The following CATSPERT variants were observed in gnomAD, a reference collection of about 807,000 sequenced individuals.
The protein encoded by CATSPERT is cation channel sperm-associated targeting subunit tau.
At chr2:201,558,959 C>T in the CATSPERT span, among the ~76,000 whole-genome samples, 1 of 152,160 alleles carries the variant, frequency 6.6e-6, no homozygotes, top group Non-Finnish European at 1.5e-5. Flanking sequence ...CCAACCCCAG[C>T]CACCATACTT....
chr2:201,556,513 G>GAA, the CATSPERT span, among the ~76,000 whole-genome samples: 66,858 of 133,780 alleles, frequency 0.5, 15,988 homozygotes, highest in East Asian at 0.76. Context: ...ACTTCAAAAA[G>GAA]AAAAAAAAAA....
At chr2:201,489,441 C>T in the CATSPERT span, among the ~76,000 whole-genome samples, 12 of 151,928 alleles carry the variant, frequency 7.9e-5, no homozygotes, top group South Asian at 2.1e-4. Context: ...ACTAAGTTTC[C>T]GAATTTAGAT....
the CATSPERT span, chr2:201,603,413 T>G: frequency 6.6e-5 from 43 of 652,382 alleles, no homozygotes; most frequent in African/African-American, 7.5e-4. Context: ...TTGTTTCTCA[T>G]GAAAAATATC....
chr2:201,487,496 A>C, the CATSPERT span: 1 of 1,003,552 alleles, frequency 1.0e-6, no homozygotes, highest in Non-Finnish European at 1.4e-6. Flanking sequence ...TCTGTCACAC[A>C]AAAGAAGAGA....
chr2:201,516,211 A>G, the CATSPERT span, among the ~76,000 whole-genome samples: 1 of 152,150 alleles, frequency 6.6e-6, no homozygotes, highest in Non-Finnish European at 1.5e-5. Context: ...GTAAAATATG[A>G]TATTATGGTC....
At chr2:201,582,124 C>T in the CATSPERT span, 1 of 1,607,342 alleles carries the variant, frequency 6.2e-7, no homozygotes, top group Non-Finnish European at 8.5e-7. Context: ...TGTATCTGAA[C>T]ACTCCCTAAC....
chr2:201,539,163 T>G, the CATSPERT span, among the ~76,000 whole-genome samples: 1 of 152,146 alleles, frequency 6.6e-6, no homozygotes, highest in Non-Finnish European at 1.5e-5. Context: ...ATGATTTATA[T>G]TCCTTTGGGT....
At chr2:201,619,000 T>G in the CATSPERT span, 1 of 1,613,938 alleles carries the variant, frequency 6.2e-7, no homozygotes, top group Admixed American at 1.7e-5. Context: ...CTCCGACCCT[T>G]TAATGTGCAT....
chr2:201,543,533 T>G, the CATSPERT span, among the ~76,000 whole-genome samples: 1 of 152,322 alleles, frequency 6.6e-6, no homozygotes, highest in Middle Eastern at 3.4e-3. Context: ...ATTATCAATG[T>G]TTTTTAGTTT....
At chr2:201,587,123 A>G in the CATSPERT span, among the ~76,000 whole-genome samples, 5 of 152,246 alleles carry the variant, frequency 3.3e-5, no homozygotes, top group South Asian at 1.0e-3. Context: ...GCATAATTCT[A>G]TTTACACCTC....
At chr2:201,599,411 A>T in the CATSPERT span, among the ~76,000 whole-genome samples, 11 of 152,206 alleles carry the variant, frequency 7.2e-5, no homozygotes, top group South Asian at 8.3e-4. Flanking sequence ...GTGGAAGAAA[A>T]ATATTATCTC....
At chr2:201,560,785 C>CT in the CATSPERT span, among the ~76,000 whole-genome samples, 7,930 of 151,268 alleles carry the variant, frequency 0.052, 252 homozygotes, top group African/African-American at 0.074. Flanking sequence ...TGTGAAATCT[C>CT]TCTTTTTTTT....
At chr2:201,612,505 C>T in the CATSPERT span, among the ~76,000 whole-genome samples, 25 of 141,244 alleles carry the variant, frequency 1.8e-4, no homozygotes, top group South Asian at 2.4e-4. Context: ...ACCCGGGAGG[C>T]GGAGGTTGCT....
chr2:201,491,900 C>A, the CATSPERT span: 15 of 1,536,696 alleles, frequency 9.8e-6, no homozygotes, highest in Non-Finnish European at 1.3e-5. Flanking sequence ...AATACATGTT[C>A]TTTCCTTAGT....
At chr2:201,547,383 C>A in the CATSPERT span, 1 of 558,520 alleles carries the variant, frequency 1.8e-6, no homozygotes, top group South Asian at 2.5e-5. Flanking sequence ...AGTACCTGAA[C>A]CATGAAAAAT....
At chr2:201,518,834 A>G in the CATSPERT span, among the ~76,000 whole-genome samples, 1 of 152,214 alleles carries the variant, frequency 6.6e-6, no homozygotes, top group Non-Finnish European at 1.5e-5. Context: ...AATGAAGGCC[A>G]TGGTTTCCCT....
chr2:201,611,225 CA>C, the CATSPERT span, among the ~76,000 whole-genome samples: 1 of 152,094 alleles, frequency 6.6e-6, no homozygotes, highest in Admixed American at 6.5e-5. Context: ...TAGATTCCTA[CA>C]AAAAACTCCT....
the CATSPERT span, among the ~76,000 whole-genome samples, chr2:201,497,456 T>G: frequency 6.6e-6 from 1 of 152,170 alleles, no homozygotes; most frequent in Admixed American, 6.5e-5. Flanking sequence ...ATAGAAAAAT[T>G]TAAAAAAGAA....
At chr2:201,561,189 AG>A in the CATSPERT span, among the ~76,000 whole-genome samples, 10 of 152,238 alleles carry the variant, frequency 6.6e-5, no homozygotes, top group Non-Finnish European at 1.5e-4. Context: ...ATGCAGCAAT[AG>A]GAAGAGAATA....
Sources: allele counts gnomAD v4.1 joint callset (sites outside exome capture counted in the v4.1 genomes callset), GRCh38; gene constraint gnomAD v4.1.1; transcripts MANE v1.5; gene names NCBI Gene and HGNC (gene_info 2026-07-23, HGNC 2026-07-21).